The following TPP2 variants were observed in gnomAD, a reference collection of about 807,000 sequenced individuals.
TPP2 encodes tripeptidyl peptidase 2.
In TPP2, 34 loss-of-function variants were observed where a neutral mutation model predicts 155.9. The observed-to-expected ratio is 0.22, with a 90% CI of 0.17 to 0.29. The LOEUF (loss-of-function observed/expected upper bound fraction) is 0.29, where lower values mean the gene tolerates loss of function less well. Ranked by LOEUF, TPP2 falls within the 10% of genes least tolerant of loss-of-function variation. The pLI is 1.00. For missense variants in TPP2, 1,028 were observed against 1,522.3 expected, an observed-to-expected ratio of 0.68 and a Z score of 5.40; for synonymous variants, 510 against 529.4, an observed-to-expected ratio of 0.96 and a Z score of 0.50.
At position 102,649,430 on chromosome 13, in the gene TPP2, G is replaced by T; in HGVS notation, c.2896G>T (p.Gly966Ter). Residue 966 changes from glycine to a stop codon, truncating the protein, a stop_gained, in exon 23 of 30, where the codon GGA becomes TGA. Coordinates refer to ENST00000376052, the MANE Select transcript of TPP2 (RefSeq NM_001330588.2). LOFTEE classifies it high-confidence loss of function. ...TAGAATACCTAAAGGGGCAGGACCT[G>T]GATGCTATCTTGCAGGATCCTTAAC... ...DDKIPKGAGP[G>*]CYLAGSLTLS... 1 of 1,612,802 alleles carries T rather than the reference G, an allele frequency of 6.2e-7. No homozygotes were observed. The highest frequency in any genetic ancestry group is 8.5e-7 in the Non-Finnish European group (1 of 1,179,468).
At chr13:102,656,227 C>T (rs984242306) in intron 24 of TPP2, among the ~76,000 whole-genome samples, 13 of 152,148 alleles carry the variant, frequency 8.5e-5, no homozygotes, top group Non-Finnish European at 1.5e-4. Flanking sequence ...ATGTCACTGT[C>T]TTTTGTAAAA....
chr13:102,649,334 T>A, intron 22 of TPP2, 74 bp from the exon 23 acceptor site: 1 of 1,515,820 alleles, frequency 6.6e-7, no homozygotes, highest in Non-Finnish European at 9.0e-7. Context: ...ATTGTTTTCA[T>A]GTTTTTCCCC....
At chr13:102,673,556 C>T (rs1256453376) in intron 27 of TPP2, among the ~76,000 whole-genome samples, 1 of 152,118 alleles carries the variant, frequency 6.6e-6, no homozygotes, top group African/African-American at 2.4e-5. Flanking sequence ...GGGCATTGTC[C>T]TAGGCACGTG....
intron 5 of TPP2, among the ~76,000 whole-genome samples, chr13:102,619,542 GCA>G (rs1467171713): frequency 6.6e-6 from 1 of 152,166 alleles, no homozygotes; most frequent in Non-Finnish European, 1.5e-5. Context: ...ACAAGGTGGG[GCA>G]CACACAGATC....
intron 25 of TPP2, among the ~76,000 whole-genome samples, chr13:102,661,105 GA>G (rs36035691): frequency 0.5 from 75,276 of 151,020 alleles, 19,065 homozygotes; most frequent in African/African-American, 0.6. Context: ...AGTAACATAA[GA>G]AAAAAAAATA....
chr13:102,636,457 A>G lies in TPP2; in HGVS notation c.1678+65A>G. On this transcript the variant is annotated intron_variant, in intron 13 of 29. Transcript: ENST00000376052. ...TGCTGTTTGAATGAGTGGTATCATA[A>G]TAAAGAATTGCTGTTTGGGCCAGTG... is the stretch of plus-strand genomic sequence containing the variant. The G allele has an allele frequency of 2.6e-6, 4 of 1,529,816 alleles. No individual in the cohort carries two copies. The South Asian group carries it at 5.1e-5, about 20-fold the overall frequency. The allele number at this position is 1,529,816 out of a possible 1,614,324, so 94.8% of individuals were successfully genotyped here.
intron 13 of TPP2, 73 bp from the exon 14 acceptor site, chr13:102,637,009 A>T: frequency 3.4e-6 from 5 of 1,488,836 alleles, no homozygotes; most frequent in Non-Finnish European, 3.6e-6. Flanking sequence ...ATTTTTTTGG[A>T]AAGATGTAAC....
chr13:102,639,878 CAT>C (rs1595175661), intron 15 of TPP2, among the ~76,000 whole-genome samples: 2 of 152,326 alleles, frequency 1.3e-5, no homozygotes, highest in East Asian at 3.9e-4. Context: ...ACACAAGTCT[CAT>C]AGCTATAATA....
chr13:102,638,394 T>G, intron 15 of TPP2, 79 bp downstream of exon 15: 6 of 1,414,944 alleles, frequency 4.2e-6, no homozygotes, highest in Non-Finnish European at 5.9e-6. Flanking sequence ...GGACTTTTAA[T>G]GATCACTAAT....
rs1306996245 is a variant in TPP2 at position 102,663,749 on chromosome 13, G to C, written c.3240+5G>C. 6.3e-7 allele frequency: 1 copy of C among 1,583,400 alleles called. No individual in the cohort carries two copies. Among genetic ancestry groups the C allele is most frequent in the Admixed American group, 1.9e-5 (1 of 53,582 alleles). Reference sequence around the variant, plus strand: ...CATCAATTGGATGCTGAAAAGGTTAGACATGTTCATTCTGATATATCTTAT... The same window carrying C: ...CATCAATTGGATGCTGAAAAGGTTACACATGTTCATTCTGATATATCTTAT... On this transcript the variant is annotated splice_donor_5th_base_variant and intron_variant, in intron 26 of 29. Coordinates refer to ENST00000376052, the MANE Select transcript of TPP2 (RefSeq NM_001330588.2).
chr13:102,676,190 A>G (rs979450076), intron 28 of TPP2, 106 bp from the exon 29 acceptor site: 2 of 1,113,360 alleles, frequency 1.8e-6, no homozygotes, highest in Non-Finnish European at 2.5e-6. Context: ...TACCATATTC[A>G]TTTCAAAAGC....
chr13:102,653,633 C>T (rs1883660290), intron 24 of TPP2, among the ~76,000 whole-genome samples: 2 of 152,192 alleles, frequency 1.3e-5, no homozygotes, highest in East Asian at 1.9e-4. Flanking sequence ...CGGCCTCGGA[C>T]GATCCTCCTG....
At chr13:102,616,850 A>C (rs1283666910) in intron 4 of TPP2, among the ~76,000 whole-genome samples, 2 of 152,104 alleles carry the variant, frequency 1.3e-5, no homozygotes, top group African/African-American at 2.4e-5. Context: ...CTAACACTGC[A>C]GATGATTTTG....
At chr13:102,638,635 G>T (rs914878044) in intron 15 of TPP2, among the ~76,000 whole-genome samples, 8 of 152,124 alleles carry the variant, frequency 5.3e-5, no homozygotes, top group Non-Finnish European at 1.2e-4. Flanking sequence ...TGTAGTATTT[G>T]ACAATATTAC....
chr13:102,607,223 T>C lies in TPP2; in HGVS notation c.294+2302T>C, dbSNP rs142999030. ...TACGGTGCGGGTTGAGAATCCCTTA[T>C]CTGAAACGCTGGGGACCAGAAGTGT... On this transcript the variant is annotated intron_variant, in intron 2 of 29. Transcript: ENST00000376052. 3.0e-4 allele frequency among the ~76,000 whole-genome samples: 45 copies of C among 152,338 alleles called. No individual in the cohort carries two copies. In the East Asian group the frequency reaches 7.9e-3, roughly 27 times the overall value.
chr13:102,626,237 G>T (rs1372496053), intron 6 of TPP2, among the ~76,000 whole-genome samples: 2 of 152,094 alleles, frequency 1.3e-5, no homozygotes, highest in East Asian at 3.8e-4. Context: ...GTTTCAGATG[G>T]TTCAGCCTTT....
At position 102,618,628 on chromosome 13, in the gene TPP2, TA is replaced by T. The variant is rs1880925249; in HGVS notation, c.496-93del. ...ACATTTTTTCAGGGTAAAATAATTT[TA>T]CTATGGATTAACATTGTATCTTTGG... On this transcript the variant is annotated intron_variant, in intron 4 of 29. Transcript: ENST00000376052. 2.8e-6 allele frequency: 4 copies of T among 1,445,304 alleles called. No individual in the cohort carries two copies. In the South Asian group the frequency reaches 6.0e-5, roughly 22 times the overall value. 89.5% of individuals were successfully genotyped at this position (1,445,304 alleles called of 1,614,324 possible). A position where few individuals can be genotyped will look rare whatever the true frequency, so the allele number is the denominator to read the frequency against.
chr13:102,678,138 T>C, intron 29 of TPP2, 89 bp from the exon 30 acceptor site: 1 of 1,277,230 alleles, frequency 7.8e-7, no homozygotes. Flanking sequence ...TACCTTACTG[T>C]TACTATTTAA....
chr13:102,597,222 G>T lies in TPP2; in HGVS notation c.165+19G>T, dbSNP rs1435431339. On this transcript the variant is annotated intron_variant, in intron 1 of 29. Transcript: ENST00000376052. ...CATGCAGGTGAGGCGGCCCCCGAGG[G>T]CCCGGGCGCGGGGGCGCGGGCGGCC... The T allele has an allele frequency of 1.1e-5, 15 of 1,346,866 alleles. No homozygotes were observed. Among genetic ancestry groups the T allele is most frequent in the Non-Finnish European group, 1.3e-5 (14 of 1,043,566 alleles). The allele number at this position is 1,346,866 out of a possible 1,614,324, so 83.4% of individuals were successfully genotyped here. A position where few individuals can be genotyped will look rare whatever the true frequency, so the allele number is the denominator to read the frequency against.
Sources: allele counts gnomAD v4.1 joint callset (sites outside exome capture counted in the v4.1 genomes callset), GRCh38; gene constraint gnomAD v4.1.1; transcripts MANE v1.5; gene names NCBI Gene and HGNC (gene_info 2026-07-23, HGNC 2026-07-21).